FMN1: variants seen among roughly 807,000 people sequenced by gnomAD.
The protein encoded by FMN1 is formin-1.
Under a neutral mutation model 132.4 loss-of-function variants are expected in FMN1, and 110 were observed. The ratio of observed to expected loss-of-function variants is 0.83; its 90% CI spans 0.71 to 0.97. The LOEUF (loss-of-function observed/expected upper bound fraction) is 0.97. FMN1 is among the 50% of genes least tolerant of loss of function. The probability of loss-of-function intolerance (pLI) is 0.00; values close to 1 mark genes in which losing one functional copy is unlikely to be tolerated. For missense variants in FMN1, 1,792 were observed against 1,705.3 expected (o/e 1.05, Z -0.90); for synonymous variants, 722 against 651.7 (o/e 1.11, Z -1.64).
chr15:33,002,523 CATTTT>C (rs2034176825), intron 7 of FMN1, among the ~76,000 whole-genome samples: 1 of 152,134 alleles, frequency 6.6e-6, no homozygotes, highest in Non-Finnish European at 1.5e-5. Context: ...CCAGTTGTCT[CATTTT>C]ATTTTCAGTA....
intron 16 of FMN1, among the ~76,000 whole-genome samples, chr15:32,879,599 C>T (rs1052282382): frequency 6.6e-6 from 1 of 152,184 alleles, no homozygotes; most frequent in Non-Finnish European, 1.5e-5. Context: ...CTTCCTCAGG[C>T]ATCGCCTCAT....
At position 32,982,423 on chromosome 15, in the gene FMN1, C is replaced by G. The variant is rs114281272; in HGVS notation, c.2224-12946G>C. 7.4e-3 allele frequency among the ~76,000 whole-genome samples: 1,126 copies of G among 152,220 alleles called. 11 individuals are homozygous for G. Among genetic ancestry groups the G allele is most frequent in the African/African-American group, 0.026 (1,066 of 41,540 alleles). Reference sequence around the variant, plus strand: ...TCGATCCCACTCCTACACATTTGCCCAAGTGAAACAAAAACATAGGTTAAT... The same window carrying G: ...TCGATCCCACTCCTACACATTTGCCGAAGTGAAACAAAAACATAGGTTAAT... On this transcript the variant is annotated intron_variant, in intron 7 of 20. Coordinates refer to ENST00000616417, the MANE Select transcript of FMN1 (RefSeq NM_001277313.2).
At chr15:32,787,022 A>C (rs191841408) in intron 19 of FMN1, among the ~76,000 whole-genome samples, 4 of 152,126 alleles carry the variant, frequency 2.6e-5, no homozygotes, top group African/African-American at 9.7e-5. Flanking sequence ...TGTGAGGACC[A>C]CTCTCATTTC....
intron 7 of FMN1, 38 bp from the exon 8 acceptor site, chr15:32,969,515 T>C (rs1419433469): frequency 6.3e-7 from 1 of 1,592,544 alleles, no homozygotes; most frequent in East Asian, 2.2e-5. Context: ...GTAATGAGTT[T>C]ATTAAGAACA....
At chr15:32,864,101 T>C (rs1274241584) in intron 16 of FMN1, among the ~76,000 whole-genome samples, 1 of 152,240 alleles carries the variant, frequency 6.6e-6, no homozygotes, top group African/African-American at 2.4e-5. Flanking sequence ...TTTGTGGCTA[T>C]CTACTGTACA....
chr15:32,877,853 T>C (rs780107171), intron 16 of FMN1, among the ~76,000 whole-genome samples: 7 of 150,652 alleles, frequency 4.6e-5, no homozygotes, highest in Non-Finnish European at 1.0e-4. Flanking sequence ...GAGTCATTTC[T>C]TCCATTGTTC....
At chr15:32,926,506 A>T (rs2060965311) in intron 9 of FMN1, among the ~76,000 whole-genome samples, 1 of 152,246 alleles carries the variant, frequency 6.6e-6, no homozygotes, top group Admixed American at 6.5e-5. Context: ...CAAACGCTAA[A>T]TCTTTATATG....
Position 32,855,176 on chromosome 15 carries a change from A to G in FMN1, c.3928+1839T>C, listed in dbSNP as rs927211483. 3.3e-4 allele frequency among the ~76,000 whole-genome samples: 50 copies of G among 149,822 alleles called. 1 individual carries two copies. The highest frequency in any genetic ancestry group is 9.7e-4 in the African/African-American group (39 of 40,334). On this transcript the variant is annotated intron_variant, in intron 17 of 20. Coordinates refer to ENST00000616417, the MANE Select transcript of FMN1 (RefSeq NM_001277313.2). ...GGAGAGTAAAAAAAAAAAAAAAAAA[A>G]AAAAAAGAAAAAAGAAAGAAAATCT...
In FMN1 at chr15:33,065,025, T is replaced by C; in HGVS notation, c.2093A>G (p.Gln698Arg). The change falls in exon 6 of 21, where the codon CAA becomes CGA. Residue 698 changes from glutamine (Q) to arginine (R), a missense_variant. This residue lies in a region of FMN1 where 1,150 missense variants were observed against 1,043.1 expected (regional missense o/e 1.10). Transcript: ENST00000616417. ...EQDDRTPGRLQAVWPPPKTKD... is the reference protein window; with the variant it reads ...EQDDRTPGRLRAVWPPPKTKD... ...TGTCTTTGGGGGTGGCCAGACAGCTTGAAGTCTGCCAGGAGTCCTGTCATC... is the reference window on the plus strand; with the variant it reads ...TGTCTTTGGGGGTGGCCAGACAGCTCGAAGTCTGCCAGGAGTCCTGTCATC... 3 of 1,612,096 alleles carry C rather than the reference T, an allele frequency of 1.9e-6. No homozygotes were observed. The highest frequency in any genetic ancestry group is 2.5e-6 in the Non-Finnish European group (3 of 1,179,054).
At chr15:32,798,719 G>T in intron 19 of FMN1, 85 bp downstream of exon 19, 1 of 1,209,266 alleles carries the variant, frequency 8.3e-7, no homozygotes, top group Non-Finnish European at 1.1e-6. Flanking sequence ...ATCGACAGGT[G>T]TGAAATAGAC....
At chr15:32,968,643 TA>T in intron 8 of FMN1, 70 bp downstream of exon 8, 1 of 1,593,712 alleles carries the variant, frequency 6.3e-7, no homozygotes, top group Non-Finnish European at 8.5e-7. Context: ...ATTGACCCGG[TA>T]AGAATAAAAT....
intron 16 of FMN1, among the ~76,000 whole-genome samples, chr15:32,880,752 T>C (rs2059751360): frequency 6.6e-6 from 1 of 152,248 alleles, no homozygotes; most frequent in South Asian, 2.1e-4. Context: ...GATGCATTTG[T>C]AGCTTTTAGT....
intron 7 of FMN1, among the ~76,000 whole-genome samples, chr15:32,979,455 C>G (rs998901092): frequency 1.3e-5 from 2 of 148,232 alleles, no homozygotes; most frequent in Non-Finnish European, 3.0e-5. Context: ...ACTTGGGAGG[C>G]TGAGGCAAGA....
chr15:33,060,050 T>C (rs2037414257), intron 6 of FMN1, among the ~76,000 whole-genome samples: 1 of 152,246 alleles, frequency 6.6e-6, no homozygotes, highest in East Asian at 1.9e-4. Flanking sequence ...AACCTTTTTC[T>C]GCACCCACAA....
intron 6 of FMN1, among the ~76,000 whole-genome samples, chr15:33,047,824 C>G (rs1216464817): frequency 6.6e-6 from 1 of 152,098 alleles, no homozygotes; most frequent in Non-Finnish European, 1.5e-5. Context: ...AAACTGCATA[C>G]TTTCCTGGCC....
At chr15:32,927,600 C>T (rs2060993816) in intron 9 of FMN1, among the ~76,000 whole-genome samples, 1 of 152,188 alleles carries the variant, frequency 6.6e-6, no homozygotes, top group Non-Finnish European at 1.5e-5. Context: ...TTACAATCTT[C>T]ATAGAAACTC....
At chr15:33,057,269 A>G (rs902445041) in intron 6 of FMN1, among the ~76,000 whole-genome samples, 2 of 152,190 alleles carry the variant, frequency 1.3e-5, no homozygotes, top group Non-Finnish European at 2.9e-5. Context: ...GGAAGGGGGC[A>G]AGAAGGAACC....
Position 32,882,491 on chromosome 15 carries a change from T to C in FMN1, c.3835+5681A>G, listed in dbSNP as rs2059794651. 2.0e-5 allele frequency among the ~76,000 whole-genome samples: 3 copies of C among 152,312 alleles called. No individual in the cohort carries two copies. The South Asian group carries it at 6.2e-4, about 32-fold the overall frequency. ...CACGCCACACCCTTAACCACATTTA[T>C]AGACCCTTTGTCCACTGTCTACACT... On this transcript the variant is annotated intron_variant, in intron 16 of 20. Coordinates refer to ENST00000616417, the MANE Select transcript of FMN1 (RefSeq NM_001277313.2).
chr15:32,877,261 T>G (rs2059659092), intron 16 of FMN1, among the ~76,000 whole-genome samples: 1 of 145,330 alleles, frequency 6.9e-6, no homozygotes, highest in Non-Finnish European at 1.5e-5. Flanking sequence ...CACTCCAGCC[T>G]GGGTGGCAGA....
Sources: allele counts gnomAD v4.1 joint callset (sites outside exome capture counted in the v4.1 genomes callset), GRCh38; gene constraint gnomAD v4.1.1; regional missense constraint gnomAD v4.1.1; transcripts MANE v1.5; gene names NCBI Gene and HGNC (gene_info 2026-07-23, HGNC 2026-07-21).